IGFBP7: variants seen among roughly 807,000 people sequenced by gnomAD.
The protein encoded by IGFBP7 is insulin-like growth factor-binding protein 7.
Under a neutral mutation model 29.4 loss-of-function variants are expected in IGFBP7, and 31 were observed. The observed-to-expected ratio is 1.05, with a 90% CI of 0.79 to 1.42. The LOEUF (loss-of-function observed/expected upper bound fraction) is 1.42, where lower values mean the gene tolerates loss of function less well. Ranked by LOEUF, IGFBP7 falls within the 40% of genes most tolerant of loss-of-function variation. The pLI, the probability that IGFBP7 is intolerant of heterozygous loss-of-function variation, is 0.00. For synonymous variants in IGFBP7, 172 were observed against 174.9 expected (o/e 0.98, Z 0.13); for missense variants, 393 against 395.5 (o/e 0.99, Z 0.05).
intron 1 of IGFBP7, among the ~76,000 whole-genome samples, chr4:57,046,374 A>G (rs1021744677): frequency 1.3e-5 from 2 of 152,126 alleles, no homozygotes; most frequent in Admixed American, 6.5e-5. Flanking sequence ...TCTGTACCAA[A>G]TAACTTCTAA....
At chr4:57,097,298 T>C (rs1725784368) in intron 1 of IGFBP7, among the ~76,000 whole-genome samples, 1 of 152,238 alleles carries the variant, frequency 6.6e-6, no homozygotes, top group Admixed American at 6.5e-5. Context: ...GCCAGCATCC[T>C]GGGTGGTTCC....
chr4:57,072,041 T>C (rs1374752058), intron 1 of IGFBP7, among the ~76,000 whole-genome samples: 1 of 152,080 alleles, frequency 6.6e-6, no homozygotes, highest in Non-Finnish European at 1.5e-5. Context: ...GAAGGTTTGT[T>C]ACATAGGTAA....
chr4:57,103,714 A>C (rs1288031207), intron 1 of IGFBP7, among the ~76,000 whole-genome samples: 2 of 119,786 alleles, frequency 1.7e-5, no homozygotes, highest in Non-Finnish European at 3.2e-5. Flanking sequence ...GCTGGAGTGC[A>C]GTGGTATGAT....
intron 1 of IGFBP7, among the ~76,000 whole-genome samples, chr4:57,064,078 C>T (rs996348811): frequency 1.3e-5 from 2 of 152,212 alleles, no homozygotes; most frequent in Non-Finnish European, 2.9e-5. Flanking sequence ...ATGGCTATCA[C>T]CTGTAATCCC....
chr4:57,071,549 CTCTT>C (rs1294770555), intron 1 of IGFBP7, among the ~76,000 whole-genome samples: 12 of 152,224 alleles, frequency 7.9e-5, no homozygotes, highest in East Asian at 7.7e-4. Context: ...AATTGGGTCT[CTCTT>C]TCTTTTTCCC....
chr4:57,108,583 C>T (rs1181746149), intron 1 of IGFBP7, among the ~76,000 whole-genome samples: 1 of 151,344 alleles, frequency 6.6e-6, no homozygotes, highest in Non-Finnish European at 1.5e-5. Flanking sequence ...TGTCTGTCAC[C>T]CAGGCTGGAG....
At position 57,031,110 on chromosome 4, in the gene IGFBP7, T is replaced by C; in HGVS notation, c.*207A>G. ...AAAAAGTATTTTATTTGTTTAATGA[T>C]ATGCATGCTTTTCTTCTGTAAATAT... On this transcript the variant is annotated 3_prime_UTR_variant, in exon 5 of 5. Transcript: ENST00000295666. The C allele has an allele frequency of 2.7e-6, 2 of 730,192 alleles. No homozygotes were observed. Among genetic ancestry groups the C allele is most frequent in the African/African-American group, 1.8e-5 (1 of 56,202 alleles). The allele number at this position is 730,192 out of a possible 1,614,324, so 45.2% of individuals were successfully genotyped here.
chr4:57,062,801 C>G (rs1578625924), intron 1 of IGFBP7, among the ~76,000 whole-genome samples: 1 of 152,234 alleles, frequency 6.6e-6, no homozygotes, highest in South Asian at 2.1e-4. Flanking sequence ...AGTAAACACT[C>G]CTGGGTAGAG....
Position 57,056,676 on chromosome 4 carries a change from C to G in IGFBP7, c.476-15743G>C, listed in dbSNP as rs11573081. Among the ~76,000 whole-genome samples the G allele has an allele frequency of 2.5e-3, 378 of 152,336 alleles. 13 individuals carry two copies. The East Asian group carries it at 0.05, about 20-fold the overall frequency. ...CAAGGCAAGTCACCCTTGCTTTTAT[C>G]AGGCTGGGGGACAGAGGAGTCCATC... On this transcript the variant is annotated intron_variant, in intron 1 of 4. Transcript: ENST00000295666.
chr4:57,109,377 G>A (rs1348994396), intron 1 of IGFBP7, among the ~76,000 whole-genome samples: 3 of 152,060 alleles, frequency 2.0e-5, no homozygotes, highest in Non-Finnish European at 4.4e-5. Context: ...GTTGCAGTGG[G>A]CCAAGATCGT....
At chr4:57,054,516 G>A (rs1241683679) in intron 1 of IGFBP7, among the ~76,000 whole-genome samples, 2 of 152,004 alleles carry the variant, frequency 1.3e-5, no homozygotes, top group Non-Finnish European at 2.9e-5. Context: ...GCACGTGCCT[G>A]TAGTCCCAGC....
chr4:57,034,068 AC>A (rs1724021561), intron 2 of IGFBP7, among the ~76,000 whole-genome samples: 2 of 150,976 alleles, frequency 1.3e-5, no homozygotes, highest in Non-Finnish European at 3.0e-5. Flanking sequence ...AAAAAAAAAA[AC>A]AGCTGTCAAA....
intron 1 of IGFBP7, among the ~76,000 whole-genome samples, chr4:57,081,548 C>T (rs1725367251): frequency 6.6e-6 from 1 of 151,972 alleles, no homozygotes; most frequent in Admixed American, 6.6e-5. Context: ...TGTGACCCTT[C>T]TATCAGGGCA....
intron 1 of IGFBP7, 77 bp downstream of exon 1, chr4:57,109,800 G>T: frequency 6.9e-7 from 1 of 1,452,490 alleles, no homozygotes; most frequent in Non-Finnish European, 9.1e-7. Flanking sequence ...GGGCGAGGCC[G>T]CCGCGGACGC....
chr4:57,060,553 C>T (rs943928603), intron 1 of IGFBP7, among the ~76,000 whole-genome samples: 1 of 152,096 alleles, frequency 6.6e-6, no homozygotes, highest in South Asian at 2.1e-4. Flanking sequence ...TACTCAGGCA[C>T]CAGTTACCCC....
At position 57,030,888 on chromosome 4, in the gene IGFBP7, T is replaced by C. The variant is rs763491623; in HGVS notation, c.*429A>G. ...CAATTCTGCTAATTACCATTTGTTT[T>C]TTCTTTTCAGATTTCTTTGGTGCGA... is the stretch of plus-strand genomic sequence containing the variant. On this transcript the variant is annotated 3_prime_UTR_variant, in exon 5 of 5. Transcript: ENST00000295666. 3 of 1,571,048 alleles carry C rather than the reference T, an allele frequency of 1.9e-6. No individual in the cohort carries two copies. The highest frequency in any genetic ancestry group is 2.6e-6 in the Non-Finnish European group (3 of 1,140,830).
intron 1 of IGFBP7, among the ~76,000 whole-genome samples, chr4:57,043,629 A>T (rs907741187): frequency 1.3e-5 from 2 of 152,224 alleles, no homozygotes; most frequent in Non-Finnish European, 2.9e-5. Flanking sequence ...AGGAATGTGC[A>T]AAACAATCAA....
At chr4:57,053,900 C>T (rs73242633) in intron 1 of IGFBP7, among the ~76,000 whole-genome samples, 8,146 of 152,230 alleles carry the variant, frequency 0.054, 304 homozygotes, top group Non-Finnish European at 0.08. Context: ...ATTCTGCAAG[C>T]ACTGAATTGG....
chr4:57,092,350 A>G (rs1330029138), intron 1 of IGFBP7, among the ~76,000 whole-genome samples: 1 of 152,142 alleles, frequency 6.6e-6, no homozygotes, highest in Non-Finnish European at 1.5e-5. Flanking sequence ...TGCTGGAATA[A>G]CTCTTCATGA....
Sources: gnomAD v4.1 joint callset for allele counts (sites outside exome capture counted in the v4.1 genomes callset) on GRCh38, gnomAD v4.1.1 for gene constraint, MANE v1.5 for transcripts, NCBI Gene and HGNC (gene_info 2026-07-23, HGNC 2026-07-21) for gene names.